Variants in AKT3 observed in about 807,000 individuals in gnomAD.
AKT3 encodes AKT serine/threonine kinase 3.
A neutral mutation model predicts 65.3 loss-of-function variants in AKT3; 15 were observed. The ratio of observed to expected loss-of-function variants is 0.23; its 90% CI spans 0.15 to 0.35. AKT3 has a LOEUF of 0.35. AKT3 is among the 10% of genes least tolerant of loss of function. AKT3 has a pLI of 1.00. For synonymous variants in AKT3, 206 were observed against 183.8 expected (o/e 1.12, Z -0.98); for missense variants, 243 against 576.5 (o/e 0.42, Z 5.92).
intron 2 of AKT3, chr1:243,735,707 TTAGA>T (rs1687803445): frequency 6.6e-6 from 1 of 152,176 alleles, no homozygotes; most frequent in African/African-American, 2.4e-5. Flanking sequence ...CATCTTTTTA[TTAGA>T]TAGCTGCAAA....
intron 2 of AKT3, among the ~76,000 whole-genome samples, chr1:243,766,787 A>T (rs981387525): frequency 5.9e-5 from 9 of 152,208 alleles, no homozygotes; most frequent in African/African-American, 2.2e-4. Context: ...CATAAATAGC[A>T]TGTATTTTGA....
chr1:243,548,331 C>T (rs1395334098), intron 11 of AKT3: 2 of 152,118 alleles, frequency 1.3e-5, no homozygotes, highest in African/African-American at 2.4e-5. Context: ...TTTAATCCAG[C>T]TTTAGTTATC....
At chr1:243,692,087 A>T (rs1684728497) in intron 3 of AKT3, among the ~76,000 whole-genome samples, 1 of 152,224 alleles carries the variant, frequency 6.6e-6, no homozygotes, top group Admixed American at 6.5e-5. Flanking sequence ...GATGTCTACT[A>T]GACTTACTGA....
intron 2 of AKT3, among the ~76,000 whole-genome samples, chr1:243,842,692 C>T (rs1459330475): frequency 6.6e-6 from 1 of 152,130 alleles, no homozygotes; most frequent in Non-Finnish European, 1.5e-5. Context: ...GAACCCTTTC[C>T]CCTTTTCTAC....
At chr1:243,593,896 T>C (rs1264517012) in intron 8 of AKT3, among the ~76,000 whole-genome samples, 1 of 152,228 alleles carries the variant, frequency 6.6e-6, no homozygotes, top group Admixed American at 6.5e-5. Flanking sequence ...CAATGTTCGC[T>C]ACTTTTGTTC....
At position 243,754,548 on chromosome 1, in the gene AKT3, G is replaced by C. The variant is rs906651463; in HGVS notation, c.47-58832C>G. Among the ~76,000 whole-genome samples, 5 of 152,254 alleles carry C rather than the reference G, an allele frequency of 3.3e-5. No homozygotes were observed. The East Asian group carries it at 9.7e-4, about 29-fold the overall frequency. On this transcript the variant is annotated intron_variant, in intron 2 of 13. Coordinates refer to ENST00000673466, the MANE Select transcript of AKT3 (RefSeq NM_005465.7). ...GCGGATGGTGGCTGTTAGGAACCAG[G>C]CCACGCAGCAAGAGGTGAGCAGCAG...
intron 2 of AKT3, among the ~76,000 whole-genome samples, chr1:243,711,825 C>G (rs979603160): frequency 6.6e-6 from 1 of 152,180 alleles, no homozygotes; most frequent in Non-Finnish European, 1.5e-5. Context: ...ATATTTAAAT[C>G]TGGTCTTTGT....
At chr1:243,780,416 T>G (rs1261036754) in intron 2 of AKT3, among the ~76,000 whole-genome samples, 1 of 152,056 alleles carries the variant, frequency 6.6e-6, no homozygotes, top group East Asian at 1.9e-4. Flanking sequence ...TTCTTGATTT[T>G]GGTAACTATA....
chr1:243,824,656 C>T lies in AKT3; in HGVS notation c.46+18469G>A, dbSNP rs139096659. Among the ~76,000 whole-genome samples, 255 of 151,874 alleles carry T rather than the reference C, an allele frequency of 1.7e-3. 1 individual carries two copies. The highest frequency in any genetic ancestry group is 1.7e-3 in the Non-Finnish European group (117 of 67,930). On this transcript the variant is annotated intron_variant, in intron 2 of 13. Coordinates refer to ENST00000673466, the MANE Select transcript of AKT3 (RefSeq NM_005465.7). ...AGCCAACAAACATGAAAAAAAAAAG[C>T]TCAATATCACTGATCATTCAAGAAA... is the stretch of plus-strand genomic sequence containing the variant.
At position 243,665,398 on chromosome 1, in the gene AKT3, T is replaced by A. The variant is rs1380191512; in HGVS notation, c.173-515A>T. Among the ~76,000 whole-genome samples the A allele has an allele frequency of 2.6e-5, 4 of 152,190 alleles. No individual in the cohort carries two copies. In the East Asian group the frequency reaches 7.7e-4, roughly 29 times the overall value. On this transcript the variant is annotated intron_variant, in intron 3 of 13. Coordinates refer to ENST00000673466, the MANE Select transcript of AKT3 (RefSeq NM_005465.7). ...AGTATTACTTATCATTTTAAGAAAA[T>A]GACAAATATCACTTATCCTTACCTA...
At chr1:243,783,170 A>AGATC (rs34889787) in intron 2 of AKT3, among the ~76,000 whole-genome samples, 76,581 of 151,614 alleles carry the variant, frequency 0.51, 23,411 homozygotes, top group Non-Finnish European at 0.68. Flanking sequence ...TGGGGTCCCT[A>AGATC]GATCGGTTCA....
At chr1:243,516,926 C>T (rs1040403480) in intron 12 of AKT3, among the ~76,000 whole-genome samples, 13 of 152,170 alleles carry the variant, frequency 8.5e-5, no homozygotes, top group Non-Finnish European at 1.8e-4. Context: ...ATTAATTTTA[C>T]ACTTTTCTTC....
At chr1:243,533,673 G>T (rs1487505029) in intron 12 of AKT3, among the ~76,000 whole-genome samples, 2 of 152,140 alleles carry the variant, frequency 1.3e-5, no homozygotes, top group Non-Finnish European at 2.9e-5. Flanking sequence ...CACACACAAA[G>T]AAACAGCAAG....
chr1:243,646,107 C>T, intron 4 of AKT3, 70 bp from the exon 5 acceptor site: 1 of 1,313,432 alleles, frequency 7.6e-7, no homozygotes, highest in Non-Finnish European at 1.0e-6. Context: ...CTTTTATAAA[C>T]TATGAAATCA....
intron 2 of AKT3, among the ~76,000 whole-genome samples, chr1:243,799,287 A>T (rs186764835): frequency 3.7e-4 from 57 of 152,336 alleles, no homozygotes; most frequent in Non-Finnish European, 7.3e-5. Context: ...AGTTAACCAT[A>T]ATAGAACCTC....
intron 4 of AKT3, among the ~76,000 whole-genome samples, chr1:243,649,328 T>C (rs1317047585): frequency 1.3e-5 from 2 of 148,670 alleles, no homozygotes; most frequent in African/African-American, 5.1e-5. Context: ...TGTGTGTGTG[T>C]GTGTGTGTGT....
At chr1:243,839,860 C>A in intron 2 of AKT3, among the ~76,000 whole-genome samples, 1 of 149,344 alleles carries the variant, frequency 6.7e-6, no homozygotes. Flanking sequence ...GAACATGACT[C>A]CATCTCAAAA....
chr1:243,559,217 A>G (rs1459582610), intron 10 of AKT3, among the ~76,000 whole-genome samples: 1 of 152,170 alleles, frequency 6.6e-6, no homozygotes, highest in Non-Finnish European at 1.5e-5. Flanking sequence ...GCAAAAGTAC[A>G]TTCATTTAAA....
At chr1:243,637,847 A>G in intron 5 of AKT3, 105 bp from the exon 6 acceptor site, 1 of 671,296 alleles carries the variant, frequency 1.5e-6, no homozygotes, top group Non-Finnish European at 2.3e-6. Context: ...AAATTTTACC[A>G]ATTTATAAGC....
Sources: gnomAD v4.1 joint callset for allele counts (sites outside exome capture counted in the v4.1 genomes callset) on GRCh38, gnomAD v4.1.1 for gene constraint, MANE v1.5 for transcripts, NCBI Gene and HGNC (gene_info 2026-07-23, HGNC 2026-07-21) for gene names.